The following ZW10 variants were observed in gnomAD, a reference collection of about 807,000 sequenced individuals.
ZW10 encodes the protein centromere/kinetochore protein zw10 homolog.
ZW10 carries 53 observed loss-of-function variants against 87.8 expected under a neutral mutation model. That is an observed-to-expected ratio of 0.60 (90% CI 0.48 to 0.76). The LOEUF is 0.76. Among genes scored for constraint, ZW10 ranks in the 30% least tolerant of loss-of-function variants. ZW10 has a pLI of 0.00. For synonymous variants in ZW10, 312 were observed against 329.2 expected (o/e 0.95, Z 0.57); for missense variants, 837 against 923.0 (o/e 0.91, Z 1.21).
At position 113,757,791 on chromosome 11, in the gene ZW10, T is replaced by A. The variant is rs751887837; in HGVS notation, c.796A>T (p.Ile266Leu). The change falls in exon 7 of 16, where the codon ATA (isoleucine) becomes TTA (leucine). Residue 266 changes from isoleucine to leucine, a missense_variant. By Grantham distance (5) the Ile-to-Leu change is conservative. Coordinates refer to ENST00000200135, the MANE Select transcript of ZW10 (RefSeq NM_004724.4). ...ATAACTATGTTAGGCTGGCTTTCTATCACAGCATGAAGGGATGGGCAAGAT... is the reference window on the plus strand; with the variant it reads ...ATAACTATGTTAGGCTGGCTTTCTAACACAGCATGAAGGGATGGGCAAGAT... ...LASCPSLHAV[I>L]ESQPNIVIIR... The A allele has an allele frequency of 1.9e-6, 3 of 1,613,848 alleles. No individual in the cohort carries two copies. Among genetic ancestry groups the A allele is most frequent in the Non-Finnish European group, 2.5e-6 (3 of 1,179,804 alleles).
chr11:113,734,622 T>G (rs1953528339), intron 15 of ZW10, among the ~76,000 whole-genome samples: 1 of 152,000 alleles, frequency 6.6e-6, no homozygotes, highest in Non-Finnish European at 1.5e-5. Context: ...CTAGCCAACA[T>G]GGCAAAACCC....
chr11:113,772,271 G>A (rs2459976), intron 1 of ZW10, among the ~76,000 whole-genome samples: 41,666 of 152,080 alleles, frequency 0.27, 7,067 homozygotes, highest in Non-Finnish European at 0.38. Flanking sequence ...AGCTAGGGTC[G>A]CTTGCCATGC....
rs572830777 is a variant in ZW10 at position 113,741,398 on chromosome 11, A to G, written c.1583+296T>C. Among the ~76,000 whole-genome samples, 5 of 152,348 alleles carry G rather than the reference A, an allele frequency of 3.3e-5. No individual in the cohort carries two copies. In the South Asian group the frequency reaches 8.3e-4, roughly 25 times the overall value. On this transcript the variant is annotated intron_variant, in intron 11 of 15. Transcript: ENST00000200135. ...ATTCAAATAAAGAAAACTGAACTAG[A>G]GGCTGAAAGTTAAGTAAAGGCAGTT...
chr11:113,769,617 G>T, intron 1 of ZW10: 2 of 247,582 alleles, frequency 8.1e-6, no homozygotes, highest in South Asian at 9.5e-5. Context: ...TCTCTGGGGT[G>T]GTCGTGCAGG....
intron 2 of ZW10, among the ~76,000 whole-genome samples, chr11:113,767,740 G>A (rs1021137284): frequency 1.3e-5 from 2 of 152,100 alleles, no homozygotes; most frequent in South Asian, 4.2e-4. Context: ...TCTTTATCAT[G>A]TTACTACTAA....
chr11:113,755,333 C>T (rs140960453), intron 7 of ZW10, among the ~76,000 whole-genome samples: 50 of 152,114 alleles, frequency 3.3e-4, no homozygotes, highest in African/African-American at 1.1e-3. Context: ...GATTCCAACC[C>T]TCATGACTTT....
intron 9 of ZW10, among the ~76,000 whole-genome samples, chr11:113,746,889 T>C (rs1450035383): frequency 6.6e-6 from 1 of 152,170 alleles, no homozygotes; most frequent in African/African-American, 2.4e-5. Flanking sequence ...TGCAGTCCAC[T>C]GTAAGGCTAC....
chr11:113,756,884 T>C (rs1320187565), intron 7 of ZW10, among the ~76,000 whole-genome samples: 1 of 152,206 alleles, frequency 6.6e-6, no homozygotes, highest in Non-Finnish European at 1.5e-5. Context: ...CTGAAGTTTA[T>C]GCAAGCCTTA....
rs779342748 is a variant in ZW10, at chr11:113,741,717, A to G, written c.1560T>C (p.His520=). 1.2e-6 allele frequency: 2 copies of G among 1,607,928 alleles called. No individual in the cohort carries two copies. The highest frequency in any genetic ancestry group is 1.1e-5 in the South Asian group (1 of 89,860). Residue 520 remains histidine (H), a synonymous_variant, in exon 11 of 16, where the codon CAT becomes CAC. Coordinates refer to ENST00000200135, the MANE Select transcript of ZW10 (RefSeq NM_004724.4). The part of the protein sequence containing the change: ...YSVRNIFHLF[H]DVVPTYHKEN... The stretch of plus-strand genomic sequence containing the variant: ...ACTTGTGATATGTTGGTACAACATC[A>G]TGGAACAAATGGAAGATATTCCTCA...
chr11:113,742,122 C>T (rs974483153), intron 10 of ZW10, among the ~76,000 whole-genome samples: 2 of 152,240 alleles, frequency 1.3e-5, no homozygotes, highest in African/African-American at 4.8e-5. Flanking sequence ...CACTGACACA[C>T]TCTGCAAAGG....
intron 7 of ZW10, among the ~76,000 whole-genome samples, chr11:113,749,080 C>G (rs947801286): frequency 2.6e-5 from 4 of 152,080 alleles, no homozygotes; most frequent in Non-Finnish European, 2.9e-5. Flanking sequence ...AAGAGCAGGG[C>G]ACAGTGACAA....
chr11:113,738,488 G>T, intron 12 of ZW10, 94 bp from the exon 13 acceptor site: 1 of 1,156,668 alleles, frequency 8.6e-7, no homozygotes, highest in Non-Finnish European at 1.2e-6. Context: ...CCATGTATCT[G>T]TTCTGCCTAT....
chr11:113,743,747 TTAGATA>T (rs1182328203), intron 10 of ZW10, 49 bp downstream of exon 10: 1 of 1,307,628 alleles, frequency 7.6e-7, no homozygotes, highest in African/African-American at 1.5e-5. Flanking sequence ...AAACATCTAG[TTAGATA>T]TGCATTTAAC....
At position 113,773,647 on chromosome 11, in the gene ZW10, T is replaced by C. The variant is rs1565290960; in HGVS notation, c.20A>G (p.Glu7Gly). Residue 7 changes from glutamate to glycine, a missense_variant, in exon 1 of 16, where the codon GAA becomes GGA. Transcript: ENST00000200135. ...CAGCCTCCCGGAGTGTGCCAAAACTTCTGTCACGAACGAGGCCATGGCCAA... is the reference window on the plus strand; with the variant it reads ...CAGCCTCCCGGAGTGTGCCAAAACTCCTGTCACGAACGAGGCCATGGCCAA... The part of the protein sequence containing the change: MASFVT[E>G]VLAHSGRLEK... 6.2e-7 allele frequency: 1 copy of C among 1,613,334 alleles called. No individual in the cohort carries two copies. Among genetic ancestry groups the C allele is most frequent in the East Asian group, 2.2e-5 (1 of 44,736 alleles).
chr11:113,764,915 T>C (rs961116703), intron 2 of ZW10, among the ~76,000 whole-genome samples: 6 of 152,246 alleles, frequency 3.9e-5, no homozygotes, highest in Non-Finnish European at 5.9e-5. Flanking sequence ...TCCGTATATA[T>C]TGATACTCCT....
intron 14 of ZW10, 33 bp downstream of exon 14, chr11:113,737,539 C>T (rs760213382): frequency 4.0e-6 from 6 of 1,503,324 alleles, no homozygotes; most frequent in Non-Finnish European, 4.5e-6. Flanking sequence ...TGAATTGCAT[C>T]TCAAGGCTAG....
At chr11:113,754,131 T>C (rs890183840) in intron 7 of ZW10, among the ~76,000 whole-genome samples, 5 of 152,172 alleles carry the variant, frequency 3.3e-5, no homozygotes, top group South Asian at 2.1e-4. Context: ...GACCCTCTTG[T>C]TAGGGACTAA....
intron 2 of ZW10, among the ~76,000 whole-genome samples, chr11:113,767,982 T>A (rs1257504864): frequency 6.6e-6 from 1 of 152,250 alleles, no homozygotes; most frequent in Non-Finnish European, 1.5e-5. Context: ...GAAGCCATCC[T>A]TAGCTATATC....
At chr11:113,752,207 A>G (rs1953740720) in intron 7 of ZW10, among the ~76,000 whole-genome samples, 2 of 152,258 alleles carry the variant, frequency 1.3e-5, no homozygotes, top group Admixed American at 6.5e-5. Flanking sequence ...TCAAAGATTA[A>G]AAAATGGCAA....
Sources: gnomAD v4.1 joint callset for allele counts (sites outside exome capture counted in the v4.1 genomes callset) on GRCh38, gnomAD v4.1.1 for gene constraint, MANE v1.5 for transcripts, NCBI Gene and HGNC (gene_info 2026-07-23, HGNC 2026-07-21) for gene names.